Variants in PRKD2 observed in about 807,000 individuals in gnomAD.
The protein encoded by PRKD2 is protein kinase D2, also known as serine/threonine-protein kinase D2.
PRKD2 carries 22 observed loss-of-function variants against 86.0 expected under a neutral mutation model. That is an observed-to-expected ratio of 0.26 (90% CI 0.18 to 0.37). The LOEUF (loss-of-function observed/expected upper bound fraction) is 0.37. PRKD2 is among the 10% of genes least tolerant of loss of function. PRKD2 has a pLI of 1.00. For synonymous variants in PRKD2, 509 were observed against 510.9 expected (o/e 1.00, Z 0.05); for missense variants, 818 against 1,199.2 (o/e 0.68, Z 4.70).
intron 14 of PRKD2, chr19:46,685,308 T>C (rs1179441601): frequency 6.7e-6 from 1 of 148,720 alleles, no homozygotes; most frequent in South Asian, 2.1e-4. Flanking sequence ...GGAAGCTAGA[T>C]AGATCCAGAC....
chr19:46,679,004 C>T (rs906077465), intron 15 of PRKD2, among the ~76,000 whole-genome samples: 2 of 152,152 alleles, frequency 1.3e-5, no homozygotes, highest in African/African-American at 2.4e-5. Context: ...TCCAATGGGT[C>T]GCTGTTTCCT....
At chr19:46,714,179 G>C (rs1271369276) in intron 1 of PRKD2, 178 bp from the exon 2 acceptor site, 1 of 1,335,912 alleles carries the variant, frequency 7.5e-7, no homozygotes, top group African/African-American at 1.5e-5. Flanking sequence ...CAGGATGCCA[G>C]CGCCCCAATT....
At chr19:46,713,752 T>C (rs10408526) in intron 2 of PRKD2, 111 bp downstream of exon 2, 83,735 of 1,062,268 alleles carry the variant, frequency 0.079, 4,142 homozygotes, top group African/African-American at 0.14. Context: ...ATCACAGGCG[T>C]GAGCCACTAC....
At chr19:46,694,255 G>T in intron 9 of PRKD2, 122 bp from the exon 10 acceptor site, 1 of 1,298,470 alleles carries the variant, frequency 7.7e-7, no homozygotes, top group Non-Finnish European at 1.1e-6. Context: ...ACAGTGGTCA[G>T]ACAAGTTCCC....
At chr19:46,688,535 C>A (rs990590090) in intron 14 of PRKD2, among the ~76,000 whole-genome samples, 1 of 151,042 alleles carries the variant, frequency 6.6e-6, no homozygotes, top group South Asian at 2.1e-4. Context: ...CTCCTGGGCT[C>A]AAGGGATTCT....
At chr19:46,715,865 T>C (rs402072) in intron 1 of PRKD2, among the ~76,000 whole-genome samples, 18,747 of 152,256 alleles carry the variant, frequency 0.12, 1,336 homozygotes, top group East Asian at 0.16. Flanking sequence ...GGCCCCTCCC[T>C]TCCTCCCTGT....
Position 46,678,723 on chromosome 19 carries a change from C to T in PRKD2, c.2071-60G>A, listed in dbSNP as rs2053250770. ...GATGGAGCCGCACCCACCCCAGCAT[C>T]CCCACCACACCACCCTCCATGGTAT... On this transcript the variant is annotated intron_variant, in intron 15 of 17. Coordinates refer to ENST00000291281, the MANE Select transcript of PRKD2 (RefSeq NM_016457.5). The surrounding 1 kb of genome is among the most constrained non-coding windows in gnomAD (Gnocchi z 5.7). The T allele has an allele frequency of 1.3e-6, 2 of 1,523,796 alleles. No individual in the cohort carries two copies. Among genetic ancestry groups the T allele is most frequent in the African/African-American group, 2.7e-5 (2 of 73,400 alleles). The allele number at this position is 1,523,796 out of a possible 1,614,324, so 94.4% of individuals were successfully genotyped here.
At position 46,675,043 on chromosome 19, in the gene PRKD2, G is replaced by C; in HGVS notation, c.2414C>G (p.Pro805Arg). 1 of 1,608,556 alleles carries C rather than the reference G, an allele frequency of 6.2e-7. No individual in the cohort carries two copies. Among genetic ancestry groups the C allele is most frequent in the Non-Finnish European group, 8.5e-7 (1 of 1,176,994 alleles). Residue 805 changes from proline (P) to arginine (R), a missense_variant, in exon 17 of 18, where the codon CCC (proline) becomes CGC (arginine). Around this residue, in one of 5 missense-constraint regions of PRKD2, gnomAD observed 132 missense variants for 146.2 expected, o/e 0.90. Coordinates refer to ENST00000291281, the MANE Select transcript of PRKD2 (RefSeq NM_016457.5). The stretch of plus-strand genomic sequence containing the variant: ...TGCCCCCTGCATCACCTGTAACCAG[G>C]GGTGGCTGAGAGATTTGTCCACGCT... ...RYSVDKSLSH[P>R]WLQEYQTWLD...
intron 14 of PRKD2, among the ~76,000 whole-genome samples, chr19:46,688,271 G>A (rs1467808418): frequency 6.6e-6 from 1 of 151,834 alleles, no homozygotes; most frequent in African/African-American, 2.4e-5. Context: ...CTGAGTAGCT[G>A]GGATTACAGG....
chr19:46,716,056 G>C lies in PRKD2; in HGVS notation c.240+75C>G. The C allele has an allele frequency of 6.4e-7, 1 of 1,560,200 alleles. No homozygotes were observed. The highest frequency in any genetic ancestry group is 1.2e-5 in the South Asian group (1 of 84,854). Reference sequence around the variant, plus strand: ...TCCTTCCTCCCTCTTCCGCACACCAGGCCCCAGACCCCTCTGCCAGCGCCC... The same window carrying C: ...TCCTTCCTCCCTCTTCCGCACACCACGCCCCAGACCCCTCTGCCAGCGCCC... On this transcript the variant is annotated intron_variant, in intron 1 of 17. Coordinates refer to ENST00000291281, the MANE Select transcript of PRKD2 (RefSeq NM_016457.5). This position sits in a 1 kb window ranked among gnomAD's most constrained non-coding sequence, Gnocchi z 7.9.
In PRKD2 at chr19:46,678,279, G is replaced by A; in HGVS notation, c.2338+117C>T. The A allele has an allele frequency of 1.4e-6, 2 of 1,455,146 alleles. No homozygotes were observed. The highest frequency in any genetic ancestry group is 1.8e-6 in the Non-Finnish European group (2 of 1,088,586). The allele number at this position is 1,455,146 out of a possible 1,614,324, so 90.1% of individuals were successfully genotyped here. On this transcript the variant is annotated intron_variant, in intron 16 of 17. Transcript: ENST00000291281. The surrounding 1 kb of genome is among the most constrained non-coding windows in gnomAD (Gnocchi z 5.7). ...TCCAGTAGGCCCGCCCCAGCACTGG[G>A]CTCCACCCCCAAGGTGCCAGGCTGT...
At chr19:46,700,422 C>CAGGAGTTCA in intron 7 of PRKD2, among the ~76,000 whole-genome samples, 1 of 150,990 alleles carries the variant, frequency 6.6e-6, no homozygotes, top group African/African-American at 2.4e-5. Flanking sequence ...GCTCAGGAGT[C>CAGGAGTTCA]AGGAGTTCAA....
intron 9 of PRKD2, among the ~76,000 whole-genome samples, chr19:46,696,864 T>C (rs1290237246): frequency 2.6e-5 from 4 of 152,080 alleles, no homozygotes; most frequent in African/African-American, 9.7e-5. Flanking sequence ...GATTGGCTCT[T>C]TGAATTCTCG....
chr19:46,688,386 C>T (rs996868355), intron 14 of PRKD2, among the ~76,000 whole-genome samples: 16 of 151,366 alleles, frequency 1.1e-4, no homozygotes, highest in African/African-American at 2.2e-4. Flanking sequence ...CTATCATTAC[C>T]GCTAGTCTAT....
chr19:46,697,742 C>T lies in PRKD2; in HGVS notation c.1230G>A (p.Lys410=). The stretch of plus-strand genomic sequence containing the variant: ...CGCCCCGGCCACTCACCAGCGTGTC[C>T]TTGTTGCTGTAATGAACCACCCAAC... The part of the protein sequence containing the change: ...REGWVVHYSN[K]DTLRKRHYWR... The change falls in exon 8 of 18, where the codon AAG becomes AAA. Residue 410 remains lysine (K), a synonymous_variant. Transcript: ENST00000291281. The T allele has an allele frequency of 6.2e-7, 1 of 1,613,800 alleles. No individual in the cohort carries two copies. Among genetic ancestry groups the T allele is most frequent in the Non-Finnish European group, 8.5e-7 (1 of 1,179,750 alleles).
At chr19:46,714,199 G>T in intron 1 of PRKD2, 198 bp from the exon 2 acceptor site, 2 of 1,331,118 alleles carry the variant, frequency 1.5e-6, no homozygotes, top group South Asian at 1.9e-5. Flanking sequence ...TGTACGGGGA[G>T]GGGGCGCCGG....
rs575424819 is a variant in PRKD2 at position 46,711,138 on chromosome 19, G to A, written c.380-100C>T. Reference sequence around the variant, plus strand: ...TTCTCACAGTGCTCCCAGCCGCAAGGTGTGATCTTTCCTTCCTTCCTTCAT... The same window carrying A: ...TTCTCACAGTGCTCCCAGCCGCAAGATGTGATCTTTCCTTCCTTCCTTCAT... On this transcript the variant is annotated intron_variant, in intron 2 of 17. Coordinates refer to ENST00000291281, the MANE Select transcript of PRKD2 (RefSeq NM_016457.5). 123 of 1,436,330 alleles carry A rather than the reference G, an allele frequency of 8.6e-5. No individual in the cohort carries two copies. In the South Asian group the frequency reaches 1.6e-3, roughly 19 times the overall value. The allele number at this position is 1,436,330 out of a possible 1,614,324, so 89.0% of individuals were successfully genotyped here.
At chr19:46,714,847 G>A (rs183344465) in intron 1 of PRKD2, among the ~76,000 whole-genome samples, 1 of 152,326 alleles carries the variant, frequency 6.6e-6, no homozygotes, top group East Asian at 1.9e-4. Context: ...CGGGATTGAG[G>A]CATTTGGTGG....
chr19:46,704,086 A>G, intron 5 of PRKD2, 83 bp downstream of exon 5: 1 of 1,575,740 alleles, frequency 6.3e-7, no homozygotes, highest in Non-Finnish European at 8.6e-7. Flanking sequence ...CAAGGCTCAG[A>G]TCCTTGTGTC....
Sources: gnomAD v4.1 joint callset for allele counts (sites outside exome capture counted in the v4.1 genomes callset) on GRCh38, gnomAD v4.1.1 for gene constraint, gnomAD v4.1.1 regional missense constraint, Gnocchi (gnomAD v3.1) non-coding constraint, MANE v1.5 for transcripts, NCBI Gene and HGNC (gene_info 2026-07-23, HGNC 2026-07-21) for gene names.